Variants in NDRG4 observed in about 807,000 individuals in gnomAD.
NDRG4 encodes protein NDRG4.
A neutral mutation model predicts 55.8 loss-of-function variants in NDRG4; 38 were observed. The ratio of observed to expected loss-of-function variants is 0.68; its 90% CI spans 0.53 to 0.89. The LOEUF (loss-of-function observed/expected upper bound fraction) is 0.89, where lower values mean the gene tolerates loss of function less well. Among genes scored for constraint, NDRG4 ranks in the 40% least tolerant of loss-of-function variants. NDRG4 has a pLI of 0.00. For synonymous variants in NDRG4, 190 were observed against 182.7 expected (o/e 1.04, Z -0.32); for missense variants, 455 against 468.6 (o/e 0.97, Z 0.27).
intron 1 of NDRG4, chr16:58,487,741 G>A: frequency 1.3e-6 from 2 of 1,517,380 alleles, no homozygotes; most frequent in Non-Finnish European, 1.8e-6. Context: ...CCTCAACCTC[G>A]CCCTCCCTCC....
At chr16:58,506,660 C>CCCAGCTGGCTCGGTAGGAG in intron 7 of NDRG4, 46 bp downstream of exon 7, 5 of 1,542,066 alleles carry the variant, frequency 3.2e-6, no homozygotes, top group Non-Finnish European at 4.4e-6. Context: ...TGGGATTTGC[C>CCCAGCTGGCTCGGTAGGAG]CCTCCCAGCT....
chr16:58,514,588 A>C (rs545080866), downstream of NDRG4, among the ~76,000 whole-genome samples: 1 of 152,056 alleles, frequency 6.6e-6, no homozygotes, highest in Non-Finnish European at 1.5e-5. Flanking sequence ...AATAAACACA[A>C]AAAATTAGCT....
At chr16:58,470,334 G>A (rs752674329) in intron 1 of NDRG4, among the ~76,000 whole-genome samples, 1 of 152,214 alleles carries the variant, frequency 6.6e-6, no homozygotes, top group Non-Finnish European at 1.5e-5. Context: ...GCCAGGAGGA[G>A]GAGTGGTTCA....
rs149622804 is a variant in NDRG4, at chr16:58,506,399, G to C, written c.385G>C (p.Asp129His). The part of the protein sequence containing the change: ...VLAKFALIFP[D>H]LVEGLVLVNI... ...CCTCTTACTGCAGCTCATCTTCCCC[G>C]ACCTGGTGGAGGGGCTGGTGCTGGT... is the stretch of plus-strand genomic sequence containing the variant. The change falls in exon 6 of 15, where the codon GAC becomes CAC. Residue 129 changes from aspartate (D) to histidine (H), a missense_variant. Asp to His is a moderately conservative substitution (Grantham distance 81). Transcript: ENST00000570248. The C allele has an allele frequency of 1.9e-6, 3 of 1,613,704 alleles. No homozygotes were observed. Among genetic ancestry groups the C allele is most frequent in the African/African-American group, 2.7e-5 (2 of 74,952 alleles).
At chr16:58,484,270 G>C (rs2034811906) in intron 1 of NDRG4, among the ~76,000 whole-genome samples, 2 of 152,142 alleles carry the variant, frequency 1.3e-5, no homozygotes, top group Admixed American at 6.5e-5. Flanking sequence ...CTACTTGGGA[G>C]GATGAAGCAG....
chr16:58,469,414 G>A (rs1396331711), intron 1 of NDRG4, among the ~76,000 whole-genome samples: 1 of 152,138 alleles, frequency 6.6e-6, no homozygotes, highest in African/African-American at 2.4e-5. Flanking sequence ...CTGTTCCTCT[G>A]GGTAGAGGAT....
At chr16:58,468,198 AGAG>A (rs1417664216) in intron 1 of NDRG4, among the ~76,000 whole-genome samples, 1 of 152,190 alleles carries the variant, frequency 6.6e-6, no homozygotes, top group Non-Finnish European at 1.5e-5. Flanking sequence ...TCTGGAGAGA[AGAG>A]GAGGCTGTTG....
intron 1 of NDRG4, among the ~76,000 whole-genome samples, chr16:58,483,027 C>G (rs148064268): frequency 0.01 from 1,534 of 152,220 alleles, 18 homozygotes; most frequent in African/African-American, 0.035. Flanking sequence ...TTCAAGTGAT[C>G]CACCTGCCTT....
At position 58,509,095 on chromosome 16, in the gene NDRG4, G is replaced by A; in HGVS notation, c.778-59G>A. The A allele has an allele frequency of 3.1e-6, 5 of 1,613,830 alleles. No homozygotes were observed. In the Admixed American group the frequency reaches 6.7e-5, roughly 22 times the overall value. ...GTGTTTTCCTGGGGTCCCAGCCAGG[G>A]TGGGAGCTTGTCCTGGAGTGAGGGC... On this transcript the variant is annotated intron_variant, in intron 11 of 14. Transcript: ENST00000570248.
chr16:58,506,450 T>C lies in NDRG4; in HGVS notation c.436T>C (p.Trp146Arg). The change falls in exon 6 of 15, where the codon TGG becomes CGG. Residue 146 changes from tryptophan (W) to arginine (R), a missense_variant. Coordinates refer to ENST00000570248, the MANE Select transcript of NDRG4 (RefSeq NM_001242835.2). ...GAACATCGACCCCAATGGCAAAGGC[T>C]GGATAGACTGGGCTGCCACCAAGGT... ...LVNIDPNGKG[W>R]IDWAATKLSG... is the part of the protein sequence containing the mutation. 1 of 1,603,966 alleles carries C rather than the reference T, an allele frequency of 6.2e-7. No individual in the cohort carries two copies. Among genetic ancestry groups the C allele is most frequent in the Non-Finnish European group, 8.5e-7 (1 of 1,176,756 alleles).
At chr16:58,502,341 C>T (rs545860058) in intron 1 of NDRG4, among the ~76,000 whole-genome samples, 1 of 152,266 alleles carries the variant, frequency 6.6e-6, no homozygotes, top group Admixed American at 6.5e-5. Context: ...GTGTGGCCTC[C>T]TCATCCCCTG....
intron 1 of NDRG4, 175 bp from the exon 2 acceptor site, chr16:58,503,623 G>T (rs1292604717): frequency 4.0e-6 from 5 of 1,262,812 alleles, no homozygotes; most frequent in Non-Finnish European, 5.6e-6. Flanking sequence ...GCCCTGAGAA[G>T]GGGTGTTCCA....
At position 58,506,469 on chromosome 16, in the gene NDRG4, C is replaced by T; in HGVS notation, c.455C>T (p.Thr152Ile). 6.2e-7 allele frequency: 1 copy of T among 1,612,034 alleles called. No homozygotes were observed. The highest frequency in any genetic ancestry group is 8.5e-7 in the Non-Finnish European group (1 of 1,179,450). Residue 152 changes from threonine to isoleucine, a missense_variant, in exon 6 of 15, where the codon ACC becomes ATC. Transcript: ENST00000570248. ...NGKGWIDWAA[T>I]KLSGLTSTLP... ...AAAGGCTGGATAGACTGGGCTGCCA[C>T]CAAGGTGTGTGTGGTGACCGGGGGT...
At chr16:58,477,480 C>A (rs994836306) in intron 1 of NDRG4, among the ~76,000 whole-genome samples, 2 of 149,554 alleles carry the variant, frequency 1.3e-5, no homozygotes, top group African/African-American at 4.8e-5. Flanking sequence ...AATGGCCAAG[C>A]CTGGCCCAGT....
chr16:58,504,696 G>C, intron 5 of NDRG4, 47 bp downstream of exon 5: 1 of 1,610,116 alleles, frequency 6.2e-7, no homozygotes, highest in East Asian at 2.2e-5. Context: ...GGGCAAGCCA[G>C]GGATGTCCCA....
chr16:58,508,356 G>A (rs1016258039), intron 10 of NDRG4, among the ~76,000 whole-genome samples: 3 of 152,190 alleles, frequency 2.0e-5, no homozygotes, highest in South Asian at 4.1e-4. Context: ...AATCATTAAC[G>A]CATACAGCGG....
At chr16:58,467,135 G>C (rs774390585) in intron 1 of NDRG4, among the ~76,000 whole-genome samples, 5 of 152,158 alleles carry the variant, frequency 3.3e-5, no homozygotes, top group Admixed American at 6.5e-5. Context: ...CGGCATCTAC[G>C]TCTCTAGGAT....
At chr16:58,482,523 A>AC (rs2034527500) in intron 1 of NDRG4, among the ~76,000 whole-genome samples, 2 of 151,584 alleles carry the variant, frequency 1.3e-5, no homozygotes, top group African/African-American at 4.9e-5. Flanking sequence ...ACATCGCATG[A>AC]CCCTTCTCAC....
chr16:58,495,912 G>A (rs1473987654), upstream of NDRG4, among the ~76,000 whole-genome samples: 1 of 152,224 alleles, frequency 6.6e-6, no homozygotes, highest in African/African-American at 2.4e-5. Context: ...GAGCCCAGGA[G>A]GTGGGATGGG....
Sources: allele counts gnomAD v4.1 joint callset (sites outside exome capture counted in the v4.1 genomes callset), GRCh38; gene constraint gnomAD v4.1.1; transcripts MANE v1.5; gene names NCBI Gene and HGNC (gene_info 2026-07-23, HGNC 2026-07-21).